EXOC2: variants seen among roughly 807,000 people sequenced by gnomAD.
EXOC2 encodes the protein SEC5-like 1.
EXOC2 carries 70 observed loss-of-function variants against 131.8 expected under a neutral mutation model. The ratio of observed to expected loss-of-function variants is 0.53; its 90% confidence interval spans 0.44 to 0.65. The LOEUF (loss-of-function observed/expected upper bound fraction) is 0.65, where lower values mean the gene tolerates loss of function less well. Among genes scored for constraint, EXOC2 ranks in the 30% least tolerant of loss-of-function variants. The probability of loss-of-function intolerance (pLI) is 0.00; values close to 1 mark genes in which losing one functional copy is unlikely to be tolerated. For missense variants in EXOC2, 923 were observed against 1,108.6 expected (o/e 0.83, Z 2.38); for synonymous variants, 411 against 398.4 (o/e 1.03, Z -0.38).
chr6:532,560 G>A lies in EXOC2; in HGVS notation c.2289C>T (p.Tyr763=), dbSNP rs1474350335. The change falls in exon 23 of 28, where the codon TAC becomes TAT. Residue 763 remains tyrosine (Y), a synonymous_variant. Transcript: ENST00000230449. The part of the protein sequence containing the change: ...KELDQRLFEN[Y]IELKADPIVG... ...CGATGGGATCTGCTTTCAACTCGAT[G>A]TAATTTTCAAAGAGTCTTTGATCTA... 5.0e-6 allele frequency: 8 copies of A among 1,609,340 alleles called. No individual in the cohort carries two copies. The highest frequency in any genetic ancestry group is 5.9e-6 in the Non-Finnish European group (7 of 1,178,532).
At chr6:564,296 G>C (rs1757852204) in intron 15 of EXOC2, 142 bp from the exon 16 acceptor site, 2 of 1,315,558 alleles carry the variant, frequency 1.5e-6, no homozygotes, top group South Asian at 1.5e-5. Context: ...CCACAACTGG[G>C]ACTGTACTGT....
chr6:677,319 A>G (rs1346733211), intron 1 of EXOC2, among the ~76,000 whole-genome samples: 2 of 152,218 alleles, frequency 1.3e-5, no homozygotes, highest in East Asian at 1.9e-4. Flanking sequence ...TGACCCCTTC[A>G]TTAGTGGGTT....
chr6:533,435 C>A lies in EXOC2; in HGVS notation c.2239-825G>T, dbSNP rs548420198. 3.6e-3 allele frequency among the ~76,000 whole-genome samples: 546 copies of A among 152,284 alleles called. 3 individuals carry two copies. Among genetic ancestry groups the A allele is most frequent in the African/African-American group, 0.013 (527 of 41,530 alleles). ...CCCCAGTGTGGCTCCCCTGGATTCT[C>A]CCTCCAGTTACAGCTCTGCTTGAGG... On this transcript the variant is annotated intron_variant, in intron 22 of 27. Coordinates refer to ENST00000230449, the MANE Select transcript of EXOC2 (RefSeq NM_018303.6).
At chr6:567,629 T>C (rs1561866404) in intron 13 of EXOC2, among the ~76,000 whole-genome samples, 1 of 151,848 alleles carries the variant, frequency 6.6e-6, no homozygotes, top group African/African-American at 2.4e-5. Flanking sequence ...GTGTTATACA[T>C]TAATGTTTCA....
intron 1 of EXOC2, among the ~76,000 whole-genome samples, chr6:683,431 A>T (rs1040040076): frequency 6.6e-6 from 1 of 152,232 alleles, no homozygotes; most frequent in Non-Finnish European, 1.5e-5. Flanking sequence ...AATTTATACT[A>T]CTACATAAAA....
In EXOC2 at chr6:680,336, AAAG is replaced by A. The variant is rs371409652; in HGVS notation, c.-44+12680_-44+12682del. 1.6e-3 allele frequency among the ~76,000 whole-genome samples: 241 copies of A among 152,358 alleles called. 1 individual carries two copies. Among genetic ancestry groups the A allele is most frequent in the African/African-American group, 5.3e-3 (220 of 41,592 alleles). On this transcript the variant is annotated intron_variant, in intron 1 of 27. Coordinates refer to ENST00000230449, the MANE Select transcript of EXOC2 (RefSeq NM_018303.6). The stretch of plus-strand genomic sequence containing the variant: ...GACCCAATCAATGTTTCCATTTAAA[AAAG>A]AAGAACAAAAGCTACCTTTATACAA...
rs899851054 is a variant in EXOC2 at position 647,366 on chromosome 6, C to T, written c.-43-9505G>A. On this transcript the variant is annotated intron_variant, in intron 1 of 27. Transcript: ENST00000230449. ...ACATCAGACTGTCAGAGATCCTCAG[C>T]GGTTTTGATTATCAGCAGGGGTGGT... 5.3e-5 allele frequency among the ~76,000 whole-genome samples: 8 copies of T among 151,196 alleles called. No homozygotes were observed. In the East Asian group the frequency reaches 1.4e-3, roughly 26 times the overall value.
At chr6:543,060 G>T (rs564857681) in intron 22 of EXOC2, among the ~76,000 whole-genome samples, 1 of 152,292 alleles carries the variant, frequency 6.6e-6, no homozygotes, top group African/African-American at 2.4e-5. Context: ...CGCTAGGAAG[G>T]TTCCTACAAC....
chr6:591,058 T>G (rs2127625316), intron 11 of EXOC2, among the ~76,000 whole-genome samples: 1 of 152,304 alleles, frequency 6.6e-6, no homozygotes, highest in South Asian at 2.1e-4. Context: ...CCTCTTCATT[T>G]GTCCATCATC....
intron 23 of EXOC2, among the ~76,000 whole-genome samples, chr6:518,679 CTA>C: frequency 6.6e-6 from 1 of 151,966 alleles, no homozygotes. Context: ...AGCACTGACT[CTA>C]ATATATCAAA....
chr6:628,948 A>T lies in EXOC2; in HGVS notation c.422+887T>A, dbSNP rs143436024. 2.5e-3 allele frequency among the ~76,000 whole-genome samples: 374 copies of T among 152,326 alleles called. 1 individual carries two copies. The highest frequency in any genetic ancestry group is 8.6e-3 in the African/African-American group (357 of 41,568). ...AGTCAAAGCTCACGTGAAGCTGCTA[A>T]GCCCCAGACTTTTTCAACACGTGCT... On this transcript the variant is annotated intron_variant, in intron 4 of 27. Coordinates refer to ENST00000230449, the MANE Select transcript of EXOC2 (RefSeq NM_018303.6).
intron 13 of EXOC2, among the ~76,000 whole-genome samples, chr6:570,238 A>ATTCCG (rs1758199987): frequency 1.4e-5 from 2 of 143,838 alleles, no homozygotes; most frequent in Non-Finnish European, 3.0e-5. Flanking sequence ...GGTTCACGCC[A>ATTCCG]TTCTCCTGCC....
At chr6:541,273 TGAA>T (rs1452381184) in intron 22 of EXOC2, among the ~76,000 whole-genome samples, 3 of 152,054 alleles carry the variant, frequency 2.0e-5, no homozygotes, top group Non-Finnish European at 4.4e-5. Context: ...CTAAAAAAAA[TGAA>T]GAATAACTAA....
intron 1 of EXOC2, among the ~76,000 whole-genome samples, chr6:664,492 G>A (rs1763552721): frequency 6.6e-6 from 1 of 152,142 alleles, no homozygotes; most frequent in African/African-American, 2.4e-5. Flanking sequence ...GCAAGACTAA[G>A]CAAAAACAAC....
chr6:559,344 G>A (rs1016216509), intron 17 of EXOC2, among the ~76,000 whole-genome samples: 2 of 152,162 alleles, frequency 1.3e-5, no homozygotes, highest in African/African-American at 2.4e-5. Flanking sequence ...ATCCCATTAA[G>A]GGATATCTAA....
intron 1 of EXOC2, among the ~76,000 whole-genome samples, chr6:658,655 ATATATATATATTT>A (rs1763260599): frequency 2.6e-5 from 2 of 75,810 alleles, no homozygotes; most frequent in African/African-American, 8.6e-5. Context: ...TTATATATAT[ATATATATATATTT>A]TTTTTTTTTT....
intron 11 of EXOC2, among the ~76,000 whole-genome samples, chr6:581,093 A>G (rs1561884401): frequency 6.6e-6 from 1 of 152,160 alleles, no homozygotes; most frequent in Non-Finnish European, 1.5e-5. Flanking sequence ...CAGGAGTTCG[A>G]GACCGGCCTG....
intron 22 of EXOC2, among the ~76,000 whole-genome samples, chr6:537,677 C>G (rs1316731212): frequency 6.6e-6 from 1 of 152,166 alleles, no homozygotes; most frequent in East Asian, 1.9e-4. Flanking sequence ...CCATAAAGGC[C>G]TAAAACTGGA....
At chr6:546,088 T>C (rs1756838271) in intron 22 of EXOC2, among the ~76,000 whole-genome samples, 1 of 152,170 alleles carries the variant, frequency 6.6e-6, no homozygotes, top group South Asian at 2.1e-4. Context: ...TGTCTACCTT[T>C]GGTTGGTGCA....
Sources: allele counts gnomAD v4.1 joint callset (sites outside exome capture counted in the v4.1 genomes callset), GRCh38; gene constraint gnomAD v4.1.1; transcripts MANE v1.5; gene names NCBI Gene and HGNC (gene_info 2026-07-23, HGNC 2026-07-21).